The following CSMD1 variants were observed in gnomAD, a reference collection of about 807,000 sequenced individuals.
CSMD1 encodes CUB and sushi domain-containing protein 1.
A neutral mutation model predicts 417.5 loss-of-function variants in CSMD1; 213 were observed. The observed-to-expected ratio is 0.51, with a 90% CI of 0.46 to 0.57. The LOEUF (loss-of-function observed/expected upper bound fraction) is 0.57. CSMD1 is among the 20% of genes least tolerant of loss of function. CSMD1 has a pLI of 0.00. For missense variants in CSMD1, 6,923 were observed against 4,529.7 expected (o/e 1.53, Z -15.17); for synonymous variants, 2,862 against 1,736.8 (o/e 1.65, Z -16.11).
intron 25 of CSMD1, among the ~76,000 whole-genome samples, chr8:3,292,897 A>G (rs1045726774): frequency 1.3e-5 from 2 of 151,058 alleles, no homozygotes; most frequent in Non-Finnish European, 3.0e-5. Context: ...TTTGCTCGTT[A>G]GTTGATGCAG....
At chr8:4,966,280 G>A (rs1039381966) in intron 1 of CSMD1, among the ~76,000 whole-genome samples, 1 of 151,716 alleles carries the variant, frequency 6.6e-6, no homozygotes, top group African/African-American at 2.4e-5. Flanking sequence ...TTGGGAGGCT[G>A]AGGCAGGAGG....
chr8:2,947,887 G>C (rs1419417504), intron 68 of CSMD1, among the ~76,000 whole-genome samples: 1 of 151,276 alleles, frequency 6.6e-6, no homozygotes, highest in Non-Finnish European at 1.5e-5. Context: ...ATAATACTGT[G>C]GGTTGAATAG....
intron 23 of CSMD1, among the ~76,000 whole-genome samples, chr8:3,312,271 G>C (rs1272040410): frequency 6.6e-6 from 1 of 152,156 alleles, no homozygotes; most frequent in Non-Finnish European, 1.5e-5. Flanking sequence ...ATTAAGCCAA[G>C]TTATTTATGG....
chr8:4,060,437 T>C (rs973871071), intron 3 of CSMD1, among the ~76,000 whole-genome samples: 23 of 152,176 alleles, frequency 1.5e-4, no homozygotes, highest in Non-Finnish European at 8.8e-5. Flanking sequence ...TTGGAAGTTC[T>C]GGCCATATTG....
At chr8:3,462,834 C>T (rs1816592581) in intron 12 of CSMD1, among the ~76,000 whole-genome samples, 1 of 152,120 alleles carries the variant, frequency 6.6e-6, no homozygotes, top group Non-Finnish European at 1.5e-5. Flanking sequence ...CTGTTTGTGT[C>T]CCTCCAAATT....
intron 23 of CSMD1, among the ~76,000 whole-genome samples, chr8:3,322,651 C>T (rs1317427854): frequency 6.6e-6 from 1 of 152,124 alleles, no homozygotes; most frequent in Non-Finnish European, 1.5e-5. Context: ...CCCTGGTCAC[C>T]TGGCCTCCAG....
chr8:3,424,862 C>A (rs1256739326), intron 12 of CSMD1, among the ~76,000 whole-genome samples: 1 of 152,162 alleles, frequency 6.6e-6, no homozygotes, highest in Non-Finnish European at 1.5e-5. Context: ...TTATTTGAGA[C>A]AGGGTCTTAC....
At chr8:4,236,603 A>C (rs996922633) in intron 3 of CSMD1, among the ~76,000 whole-genome samples, 2 of 152,220 alleles carry the variant, frequency 1.3e-5, no homozygotes, top group Non-Finnish European at 2.9e-5. Context: ...ATTTAAGCTT[A>C]GGTTCTAAAC....
At chr8:2,947,486 G>C (rs1294127386) in intron 68 of CSMD1, among the ~76,000 whole-genome samples, 1 of 152,142 alleles carries the variant, frequency 6.6e-6, no homozygotes, top group Non-Finnish European at 1.5e-5. Context: ...TGTTTTTCCT[G>C]ACAACAAGCT....
At chr8:4,336,255 G>A (rs139699410) in intron 3 of CSMD1, among the ~76,000 whole-genome samples, 35 of 152,212 alleles carry the variant, frequency 2.3e-4, no homozygotes, top group African/African-American at 7.5e-4. Context: ...GGTCTTGCTC[G>A]TCCAAAAATA....
At chr8:4,631,898 T>A (rs996644734) in intron 2 of CSMD1, among the ~76,000 whole-genome samples, 2 of 152,214 alleles carry the variant, frequency 1.3e-5, no homozygotes, top group Non-Finnish European at 2.9e-5. Flanking sequence ...AATTAATATA[T>A]CCTGATTTTC....
At chr8:4,726,487 T>G (rs1236123887) in intron 1 of CSMD1, among the ~76,000 whole-genome samples, 1 of 152,134 alleles carries the variant, frequency 6.6e-6, no homozygotes, top group Non-Finnish European at 1.5e-5. Flanking sequence ...TTTTACTTCG[T>G]TTTTCAAATA....
intron 3 of CSMD1, among the ~76,000 whole-genome samples, chr8:4,308,305 G>A (rs1478870806): frequency 6.6e-6 from 1 of 151,934 alleles, no homozygotes; most frequent in Non-Finnish European, 1.5e-5. Context: ...AGTTTGAAGT[G>A]TATGTGTGGG....
intron 7 of CSMD1, among the ~76,000 whole-genome samples, chr8:3,651,147 T>G (rs1424010967): frequency 6.6e-6 from 1 of 152,182 alleles, no homozygotes; most frequent in Non-Finnish European, 1.5e-5. Flanking sequence ...GTAGCTTTCT[T>G]GCCGGTCTTT....
At chr8:3,619,812 A>C (rs1802331853) in intron 7 of CSMD1, among the ~76,000 whole-genome samples, 1 of 152,238 alleles carries the variant, frequency 6.6e-6, no homozygotes, top group Admixed American at 6.5e-5. Context: ...ACGGTGGCTC[A>C]CACAACGTAA....
At chr8:4,548,356 G>A (rs901434983) in intron 2 of CSMD1, among the ~76,000 whole-genome samples, 2 of 151,898 alleles carry the variant, frequency 1.3e-5, no homozygotes, top group Admixed American at 6.6e-5. Flanking sequence ...ATACTCTATC[G>A]TATTTTGTCG....
intron 5 of CSMD1, among the ~76,000 whole-genome samples, chr8:3,754,379 G>A (rs181348119): frequency 2.0e-5 from 3 of 152,046 alleles, no homozygotes; most frequent in African/African-American, 4.8e-5. Context: ...AAAAGGAAAA[G>A]AAATAGGAAA....
intron 2 of CSMD1, among the ~76,000 whole-genome samples, chr8:4,502,887 A>G (rs1802329045): frequency 1.3e-5 from 2 of 152,218 alleles, no homozygotes; most frequent in South Asian, 4.2e-4. Flanking sequence ...TGATTGAAAA[A>G]CAGATCAACC....
chr8:3,464,817 T>C (rs1816708035), intron 12 of CSMD1, among the ~76,000 whole-genome samples: 1 of 152,280 alleles, frequency 6.6e-6, no homozygotes, highest in East Asian at 1.9e-4. Context: ...TAATTCAGTA[T>C]TTTCATTTGT....
Sources: allele counts gnomAD v4.1 joint callset (sites outside exome capture counted in the v4.1 genomes callset), GRCh38; gene constraint gnomAD v4.1.1; transcripts MANE v1.5; gene names NCBI Gene and HGNC (gene_info 2026-07-23, HGNC 2026-07-21).